The following ZNF407 variants were observed in gnomAD, a reference collection of about 807,000 sequenced individuals.
ZNF407 encodes the protein zinc finger protein 407.
Under a neutral mutation model 131.2 loss-of-function variants are expected in ZNF407, and 17 were observed. That is an observed-to-expected ratio of 0.13 (90% CI 0.09 to 0.19). The LOEUF (loss-of-function observed/expected upper bound fraction) is 0.19, where lower values mean the gene tolerates loss of function less well. Ranked by LOEUF, ZNF407 falls within the 10% of genes least tolerant of loss-of-function variation. ZNF407 has a pLI of 1.00. For missense variants in ZNF407, 2,681 were observed against 2,830.6 expected, an observed-to-expected ratio of 0.95 and a Z score of 1.20; for synonymous variants, 1,156 against 1,062.0, an observed-to-expected ratio of 1.09 and a Z score of -1.72.
intron 3 of ZNF407, among the ~76,000 whole-genome samples, chr18:74,754,796 G>A (rs1277236516): frequency 1.3e-5 from 2 of 152,172 alleles, no homozygotes; most frequent in South Asian, 2.1e-4. Flanking sequence ...GAATAAGTGC[G>A]ATGTGATGCT....
chr18:74,634,749 G>A lies in ZNF407; in HGVS notation c.3730G>A (p.Val1244Ile). Residue 1244 changes from valine to isoleucine, a missense_variant, in exon 2 of 9, where the codon GTC becomes ATC. Transcript: ENST00000299687. ...AAACGCAGGAGACGGTGGAGGTGTT[G>A]TCCCCCACAGACACCTGTGCCCTGT... is the stretch of plus-strand genomic sequence containing the variant. ...GGNAGDGGGV[V>I]PHRHLCPVTL... is the part of the protein sequence containing the mutation. The A allele has an allele frequency of 1.2e-6, 2 of 1,614,036 alleles. No individual in the cohort carries two copies. The highest frequency in any genetic ancestry group is 1.7e-6 in the Non-Finnish European group (2 of 1,179,896).
intron 1 of ZNF407, among the ~76,000 whole-genome samples, chr18:74,608,355 C>T (rs868503644): frequency 1.4e-4 from 21 of 146,578 alleles, no homozygotes; most frequent in Admixed American, 3.4e-4. Flanking sequence ...TTTTAGATTT[C>T]TTTTTTTTTT....
rs1412265359 is a variant in ZNF407, at chr18:74,703,450, T to C, written c.4802+62328T>C. Among the ~76,000 whole-genome samples, 1 of 152,140 alleles carries C rather than the reference T, an allele frequency of 6.6e-6. No individual in the cohort carries two copies. Among genetic ancestry groups the C allele is most frequent in the Admixed American group, 6.5e-5 (1 of 15,272 alleles). On this transcript the variant is annotated intron_variant, in intron 3 of 8. Coordinates refer to ENST00000299687, the MANE Select transcript of ZNF407 (RefSeq NM_017757.3). This position sits in a 1 kb window ranked among gnomAD's most constrained non-coding sequence, Gnocchi z 4.1. Reference sequence around the variant, plus strand: ...GGTGCAATCTCGGCTCACCGCAACCTCCACCTTCTGGGTTCAAGCAGTTCT... The same window carrying C: ...GGTGCAATCTCGGCTCACCGCAACCCCCACCTTCTGGGTTCAAGCAGTTCT...
intron 2 of ZNF407, 123 bp from the exon 3 acceptor site, chr18:74,640,885 C>A: frequency 1.5e-6 from 1 of 676,324 alleles, no homozygotes; most frequent in Non-Finnish European, 2.6e-6. Flanking sequence ...TGCAAGTATT[C>A]CATTTTGGGT....
Position 75,019,927 on chromosome 18 carries a change from A to G in ZNF407, c.5429-43223A>G, listed in dbSNP as rs112688727. 4.9e-3 allele frequency among the ~76,000 whole-genome samples: 744 copies of G among 152,264 alleles called. 9 individuals are homozygous for G. The highest frequency in any genetic ancestry group is 0.017 in the African/African-American group (688 of 41,568). On this transcript the variant is annotated intron_variant, in intron 8 of 8. Coordinates refer to ENST00000299687, the MANE Select transcript of ZNF407 (RefSeq NM_017757.3). ...AACAGCAAGGGGGAAATCTGCCCCC[A>G]TGATCCAGTCACCTCCCACCAGGTC...
intron 7 of ZNF407, among the ~76,000 whole-genome samples, chr18:74,908,315 G>T (rs1166843187): frequency 6.6e-6 from 1 of 152,042 alleles, no homozygotes; most frequent in Non-Finnish European, 1.5e-5. Context: ...TATCATTTTT[G>T]TAATTTGGTT....
intron 7 of ZNF407, among the ~76,000 whole-genome samples, chr18:74,900,942 A>C (rs984847714): frequency 4.1e-4 from 63 of 152,292 alleles, no homozygotes; most frequent in Middle Eastern, 3.4e-3. Flanking sequence ...TTCTAGAAAT[A>C]TGTAATTCTC....
chr18:74,604,456 C>T (rs1341094722), intron 1 of ZNF407, among the ~76,000 whole-genome samples: 1 of 152,220 alleles, frequency 6.6e-6, no homozygotes, highest in Non-Finnish European at 1.5e-5. Flanking sequence ...ACAAGAGCCA[C>T]AGCTTGCCAG....
chr18:74,658,961 A>T (rs1985598372), intron 3 of ZNF407, among the ~76,000 whole-genome samples: 1 of 152,164 alleles, frequency 6.6e-6, no homozygotes, highest in African/African-American at 2.4e-5. Context: ...TGTGTAATTA[A>T]AATCTATTGT....
chr18:74,817,938 A>C (rs1970289773), intron 4 of ZNF407, among the ~76,000 whole-genome samples: 1 of 152,148 alleles, frequency 6.6e-6, no homozygotes, highest in South Asian at 2.1e-4. Flanking sequence ...GGTTATCTGC[A>C]CTCTAGCGGC....
chr18:75,021,991 G>GA (rs1433220137), intron 8 of ZNF407, among the ~76,000 whole-genome samples: 1 of 151,494 alleles, frequency 6.6e-6, no homozygotes, highest in East Asian at 1.9e-4. Context: ...AAATCAATAG[G>GA]AAAAACACTA....
At chr18:75,060,903 A>C (rs1045532893) in intron 8 of ZNF407, among the ~76,000 whole-genome samples, 35 of 152,212 alleles carry the variant, frequency 2.3e-4, no homozygotes, top group Non-Finnish European at 4.1e-4. Context: ...TTATCAGTTA[A>C]TTAATACTTT....
chr18:74,634,122 C>T lies in ZNF407; in HGVS notation c.3103C>T (p.His1035Tyr). 1 of 1,614,014 alleles carries T rather than the reference C, an allele frequency of 6.2e-7. No homozygotes were observed. Among genetic ancestry groups the T allele is most frequent in the Non-Finnish European group, 8.5e-7 (1 of 1,179,888 alleles). The change falls in exon 2 of 9, where the codon CAT (histidine) becomes TAT (tyrosine). Residue 1035 changes from histidine (H) to tyrosine (Y), a missense_variant. His to Tyr is a moderately conservative substitution (Grantham distance 83). This residue lies in a region of ZNF407 where 1,789 missense variants were observed against 1,748.7 expected (regional missense o/e 1.02). Coordinates refer to ENST00000299687, the MANE Select transcript of ZNF407 (RefSeq NM_017757.3). ...TCACTCCTCTGCTTCTCTAGAGCTG[C>T]ATGTAAAACGGAAACATACAAAAGA... is the stretch of plus-strand genomic sequence containing the variant. ...SAHSSASLEL[H>Y]VKRKHTKEFE...
intron 8 of ZNF407, among the ~76,000 whole-genome samples, chr18:74,993,136 A>G (rs986393860): frequency 1.3e-5 from 2 of 152,198 alleles, no homozygotes; most frequent in East Asian, 3.8e-4. Flanking sequence ...ACTCCTAGGA[A>G]TTTACCCAAA....
rs1199001907 is a variant in ZNF407, at chr18:74,818,611, T to G, written c.4877+37109T>G. ...GAAGCTCCTTTTACACACAGATGTA[T>G]TTTAATTCAGCAGCTGCATTCTTAC... On this transcript the variant is annotated intron_variant, in intron 4 of 8. Coordinates refer to ENST00000299687, the MANE Select transcript of ZNF407 (RefSeq NM_017757.3). 2.0e-5 allele frequency among the ~76,000 whole-genome samples: 3 copies of G among 152,244 alleles called. No homozygotes were observed. In the South Asian group the frequency reaches 6.2e-4, roughly 32 times the overall value.
intron 3 of ZNF407, among the ~76,000 whole-genome samples, chr18:74,678,487 A>G (rs1232544268): frequency 1.3e-5 from 2 of 152,166 alleles, no homozygotes; most frequent in East Asian, 1.9e-4. Flanking sequence ...AGAGGTACCC[A>G]TCAGCCTGCT....
intron 3 of ZNF407, among the ~76,000 whole-genome samples, chr18:74,746,821 T>G (rs7233450): frequency 0.13 from 20,174 of 152,050 alleles, 2,312 homozygotes; most frequent in African/African-American, 0.31. Context: ...AGGAGTACAC[T>G]CTAAAGTAAT....
In ZNF407 at chr18:74,715,271, C is replaced by T. The variant is rs998668304; in HGVS notation, c.4803-66157C>T. Among the ~76,000 whole-genome samples the T allele has an allele frequency of 2.0e-5, 3 of 152,142 alleles. No individual in the cohort carries two copies. In the South Asian group the frequency reaches 6.2e-4, roughly 32 times the overall value. On this transcript the variant is annotated intron_variant, in intron 3 of 8. Coordinates refer to ENST00000299687, the MANE Select transcript of ZNF407 (RefSeq NM_017757.3). The stretch of plus-strand genomic sequence containing the variant: ...TCCACGGTAACTTGTGCTTCCATGT[C>T]GTATTTTGTGGATCTATTATTGTTA...
intron 8 of ZNF407, among the ~76,000 whole-genome samples, chr18:74,928,585 T>TA (rs1479975123): frequency 6.6e-6 from 1 of 152,178 alleles, no homozygotes; most frequent in East Asian, 1.9e-4. Context: ...ATTTTGGAGG[T>TA]AAAATACTTT....
Sources: gnomAD v4.1 joint callset for allele counts (sites outside exome capture counted in the v4.1 genomes callset) on GRCh38, gnomAD v4.1.1 for gene constraint, gnomAD v4.1.1 regional missense constraint, Gnocchi (gnomAD v3.1) non-coding constraint, MANE v1.5 for transcripts, NCBI Gene and HGNC (gene_info 2026-07-23, HGNC 2026-07-21) for gene names.